MYO16: variants seen among roughly 807,000 people sequenced by gnomAD.
The protein encoded by MYO16 is unconventional myosin-XVI.
In MYO16, 94 loss-of-function variants were observed where a neutral mutation model predicts 205.3. That is an observed-to-expected ratio of 0.46 (90% CI 0.39 to 0.54). The LOEUF is 0.54. Ranked by LOEUF, MYO16 falls within the 20% of genes least tolerant of loss-of-function variation. The pLI is 0.00. For missense variants in MYO16, 2,315 were observed against 2,387.5 expected (o/e 0.97, Z 0.63); for synonymous variants, 988 against 954.0 (o/e 1.04, Z -0.66).
intron 27 of MYO16, among the ~76,000 whole-genome samples, chr13:109,084,922 A>G (rs1347293609): frequency 1.3e-5 from 2 of 152,210 alleles, no homozygotes; most frequent in Admixed American, 6.5e-5. Flanking sequence ...GGAAGCATCT[A>G]GACCAGTCAG....
chr13:109,188,832 G>A (rs1452358677), intron 34 of MYO16, among the ~76,000 whole-genome samples: 1 of 152,192 alleles, frequency 6.6e-6, no homozygotes, highest in Non-Finnish European at 1.5e-5. Context: ...AGTGGCTCAT[G>A]CCTGTAATCC....
chr13:108,849,925 G>C (rs113158615), intron 10 of MYO16, among the ~76,000 whole-genome samples: 29 of 129,762 alleles, frequency 2.2e-4, no homozygotes, highest in Middle Eastern at 5.4e-3. Flanking sequence ...GGTTATTTGC[G>C]CCTAGACTGC....
intron 9 of MYO16, among the ~76,000 whole-genome samples, chr13:108,842,267 C>CAAAATGAA (rs530366842): frequency 9.0e-4 from 137 of 151,996 alleles, no homozygotes; most frequent in Admixed American, 8.5e-3. Context: ...ATAAAATCAA[C>CAAAATGAA]AAAATGAAAA....
intron 10 of MYO16, among the ~76,000 whole-genome samples, chr13:108,849,745 A>T: frequency 1.7e-5 from 2 of 120,014 alleles, no homozygotes; most frequent in Non-Finnish European, 3.3e-5. Context: ...TTTTTTTTTA[A>T]CTCATCCATA....
At chr13:108,602,912 A>G (rs2139302580) in intron 1 of MYO16, among the ~76,000 whole-genome samples, 1 of 152,316 alleles carries the variant, frequency 6.6e-6, no homozygotes, top group Non-Finnish European at 1.5e-5. Context: ...ATGGAAAAGC[A>G]TATCCTGAAT....
chr13:108,541,868 G>A, the MYO16 span, among the ~76,000 whole-genome samples: 1 of 152,202 alleles, frequency 6.6e-6, no homozygotes, highest in African/African-American at 2.4e-5. Flanking sequence ...TGGTAGGAAT[G>A]TAAATTAGTT....
chr13:108,642,941 G>T (rs1880576053), intron 1 of MYO16, among the ~76,000 whole-genome samples: 1 of 152,046 alleles, frequency 6.6e-6, no homozygotes. Context: ...TTAACTTTCT[G>T]AAAGTCTGGT....
chr13:109,002,016 A>G (rs575822073), intron 21 of MYO16, among the ~76,000 whole-genome samples: 16 of 152,292 alleles, frequency 1.1e-4, no homozygotes, highest in African/African-American at 3.8e-4. Context: ...TAGTTGATGC[A>G]TAGTGCATTC....
intron 22 of MYO16, among the ~76,000 whole-genome samples, chr13:109,018,771 C>T (rs1885919641): frequency 1.3e-5 from 2 of 152,190 alleles, no homozygotes. Context: ...ACCCCTTGCA[C>T]TTCCTGGGTG....
intron 1 of MYO16, among the ~76,000 whole-genome samples, chr13:108,640,583 G>A (rs919170788): frequency 3.3e-5 from 5 of 152,152 alleles, no homozygotes; most frequent in Non-Finnish European, 7.3e-5. Context: ...GTGCTGATAT[G>A]TGCATCTTCT....
chr13:108,750,071 A>G (rs934910150), intron 4 of MYO16, among the ~76,000 whole-genome samples: 5 of 152,226 alleles, frequency 3.3e-5, no homozygotes, highest in African/African-American at 1.2e-4. Flanking sequence ...AGAGAATAAA[A>G]AAATGTCAGT....
At chr13:108,796,583 A>G (rs1178247846) in intron 6 of MYO16, among the ~76,000 whole-genome samples, 1 of 152,172 alleles carries the variant, frequency 6.6e-6, no homozygotes, top group Non-Finnish European at 1.5e-5. Flanking sequence ...AATACTATGC[A>G]TCCATAAAAA....
chr13:108,887,928 G>A (rs1371606767), intron 13 of MYO16, among the ~76,000 whole-genome samples: 1 of 152,030 alleles, frequency 6.6e-6, no homozygotes, highest in South Asian at 2.1e-4. Context: ...GTGTGAGCCT[G>A]CATGTCTCAA....
intron 16 of MYO16, among the ~76,000 whole-genome samples, chr13:108,922,146 G>C (rs1249379137): frequency 6.6e-6 from 1 of 152,178 alleles, no homozygotes; most frequent in African/African-American, 2.4e-5. Context: ...TCTGGACTTG[G>C]ATTCATCATG....
At chr13:108,498,092 G>A in the MYO16 span, among the ~76,000 whole-genome samples, 4 of 152,176 alleles carry the variant, frequency 2.6e-5, no homozygotes, top group African/African-American at 4.8e-5. Flanking sequence ...AAGAGATACG[G>A]CATTGGAACT....
chr13:108,575,611 G>GAAATTCTACT, the MYO16 span, among the ~76,000 whole-genome samples: 67 of 152,206 alleles, frequency 4.4e-4, 1 homozygote, highest in East Asian at 0.012. Context: ...ACTCTCTACT[G>GAAATTCTACT]AAATTTTCCC....
At chr13:108,923,520 C>T (rs576221635) in intron 16 of MYO16, among the ~76,000 whole-genome samples, 107 of 152,288 alleles carry the variant, frequency 7.0e-4, no homozygotes, top group African/African-American at 2.3e-3. Context: ...GCCTGGACAG[C>T]GAGGAAGGAG....
chr13:108,899,388 A>C (rs1403473194), intron 15 of MYO16, among the ~76,000 whole-genome samples: 1 of 151,380 alleles, frequency 6.6e-6, no homozygotes, highest in Non-Finnish European at 1.5e-5. Context: ...ACACCATTGC[A>C]CTCCAGCCTG....
intron 27 of MYO16, among the ~76,000 whole-genome samples, chr13:109,057,516 C>G (rs561328493): frequency 6.6e-6 from 1 of 152,086 alleles, no homozygotes; most frequent in Admixed American, 6.6e-5. Flanking sequence ...TTGTTTTGGA[C>G]AGGAGTCATA....
Sources: allele counts gnomAD v4.1 joint callset (sites outside exome capture counted in the v4.1 genomes callset), GRCh38; gene constraint gnomAD v4.1.1; transcripts MANE v1.5; gene names NCBI Gene and HGNC (gene_info 2026-07-23, HGNC 2026-07-21).